Variants in SPATA16 observed in about 807,000 individuals in gnomAD.
SPATA16 encodes spermatogenesis-associated protein 16.
A neutral mutation model predicts 63.3 loss-of-function variants in SPATA16; 36 were observed. The ratio of observed to expected loss-of-function variants is 0.57; its 90% CI spans 0.44 to 0.75. SPATA16 has a LOEUF of 0.75. SPATA16 is among the 30% of genes least tolerant of loss of function. The probability of loss-of-function intolerance (pLI) is 0.00; values close to 1 mark genes in which losing one functional copy is unlikely to be tolerated. For synonymous variants in SPATA16, 203 were observed against 216.7 expected, an observed-to-expected ratio of 0.94 and a Z score of 0.56; for missense variants, 646 against 679.3, an observed-to-expected ratio of 0.95 and a Z score of 0.54.
intron 2 of SPATA16, among the ~76,000 whole-genome samples, chr3:173,116,724 C>T (rs1007319580): frequency 3.9e-5 from 6 of 152,142 alleles, no homozygotes; most frequent in Admixed American, 3.3e-4. Flanking sequence ...CAAAAGTGGA[C>T]AATTCATATA....
At chr3:173,139,313 G>C (rs537847078) in intron 1 of SPATA16, among the ~76,000 whole-genome samples, 52 of 152,248 alleles carry the variant, frequency 3.4e-4, no homozygotes, top group African/African-American at 1.1e-3. Context: ...AATTTAGCTA[G>C]AGCTATGATA....
At chr3:173,094,834 G>A (rs1366682778) in intron 2 of SPATA16, among the ~76,000 whole-genome samples, 2 of 152,134 alleles carry the variant, frequency 1.3e-5, no homozygotes, top group Non-Finnish European at 2.9e-5. Context: ...CCTCGGAGCA[G>A]CTCCGTTTTA....
Position 172,969,771 on chromosome 3 carries a change from T to C in SPATA16, c.933+7197A>G, listed in dbSNP as rs192052061. On this transcript the variant is annotated intron_variant, in intron 5 of 10. Transcript: ENST00000351008. ...TGGCTTTGTAGTGGGCAGAAGAATC[T>C]ACCCTTTGCTCTTGGGCTTGATCGT... is the stretch of plus-strand genomic sequence containing the variant. Among the ~76,000 whole-genome samples the C allele has an allele frequency of 1.3e-5, 2 of 152,306 alleles. 1 individual carries two copies. The highest frequency in any genetic ancestry group is 1.3e-4 in the Admixed American group (2 of 15,292).
chr3:172,951,599 CTG>C (rs1342405223), intron 6 of SPATA16, among the ~76,000 whole-genome samples: 1 of 152,098 alleles, frequency 6.6e-6, no homozygotes, highest in East Asian at 1.9e-4. Flanking sequence ...ACAAGGGTGA[CTG>C]TGAATTGGGG....
intron 2 of SPATA16, among the ~76,000 whole-genome samples, chr3:173,088,715 T>C (rs1464366298): frequency 1.3e-5 from 2 of 152,212 alleles, no homozygotes; most frequent in Admixed American, 1.3e-4. Context: ...ACTTCTAGCC[T>C]GGAGAAAACT....
At chr3:173,111,850 C>T (rs1383344233) in intron 2 of SPATA16, among the ~76,000 whole-genome samples, 1 of 152,128 alleles carries the variant, frequency 6.6e-6, no homozygotes, top group East Asian at 1.9e-4. Context: ...AGAATGTGTT[C>T]TAGAAGAGTG....
intron 5 of SPATA16, among the ~76,000 whole-genome samples, chr3:172,972,506 A>T (rs1041602042): frequency 2.0e-5 from 3 of 152,192 alleles, no homozygotes; most frequent in Middle Eastern, 3.2e-3. Flanking sequence ...AGTTTGGTTA[A>T]TTCTTTACAA....
At chr3:173,075,610 G>T (rs1195794832) in intron 2 of SPATA16, among the ~76,000 whole-genome samples, 1 of 152,150 alleles carries the variant, frequency 6.6e-6, no homozygotes, top group African/African-American at 2.4e-5. Context: ...ATGAAATCCT[G>T]TCACTTGCAG....
intron 5 of SPATA16, among the ~76,000 whole-genome samples, chr3:172,966,963 C>G (rs1213984841): frequency 6.6e-6 from 1 of 152,150 alleles, no homozygotes; most frequent in Non-Finnish European, 1.5e-5. Flanking sequence ...ATAAAACCCT[C>G]TAAATTTGGT....
intron 10 of SPATA16, among the ~76,000 whole-genome samples, chr3:172,903,304 G>GA (rs1732163175): frequency 6.6e-6 from 1 of 152,204 alleles, no homozygotes; most frequent in Non-Finnish European, 1.5e-5. Flanking sequence ...CTGAAATTTG[G>GA]AAAGATGCAT....
chr3:173,127,944 G>C (rs2108345398), intron 1 of SPATA16, among the ~76,000 whole-genome samples: 1 of 152,244 alleles, frequency 6.6e-6, no homozygotes, highest in African/African-American at 2.4e-5. Context: ...TTGCAAAATG[G>C]TGATTTTTCC....
chr3:173,105,242 A>G (rs1038876838), intron 2 of SPATA16, among the ~76,000 whole-genome samples: 27 of 152,212 alleles, frequency 1.8e-4, no homozygotes, highest in African/African-American at 6.5e-4. Context: ...ACATAGTCCA[A>G]CTTTTCAGGT....
intron 3 of SPATA16, among the ~76,000 whole-genome samples, chr3:173,021,988 T>G (rs1460557466): frequency 1.3e-5 from 2 of 151,712 alleles, no homozygotes; most frequent in Admixed American, 6.6e-5. Context: ...AAAAGTAGAT[T>G]AGATTGGAGA....
At chr3:173,012,662 A>C (rs1395790577) in intron 4 of SPATA16, among the ~76,000 whole-genome samples, 3 of 152,198 alleles carry the variant, frequency 2.0e-5, no homozygotes, top group Non-Finnish European at 2.9e-5. Context: ...AAGTTAACAA[A>C]AATAAGGAAT....
chr3:173,021,726 A>T (rs527806596), intron 3 of SPATA16, among the ~76,000 whole-genome samples: 13 of 92,268 alleles, frequency 1.4e-4, no homozygotes, highest in African/African-American at 5.0e-4. Flanking sequence ...ATTACTTTTT[A>T]TTTATTTATT....
chr3:173,112,660 C>A (rs1044530679), intron 2 of SPATA16, among the ~76,000 whole-genome samples: 1 of 152,122 alleles, frequency 6.6e-6, no homozygotes, highest in Non-Finnish European at 1.5e-5. Flanking sequence ...CTGGCACATA[C>A]AAAGAGCTCC....
At chr3:173,043,346 C>T (rs1182861764) in intron 3 of SPATA16, among the ~76,000 whole-genome samples, 2 of 151,726 alleles carry the variant, frequency 1.3e-5, no homozygotes, top group African/African-American at 4.8e-5. Flanking sequence ...TCATTTGCAT[C>T]TTTATCATAG....
chr3:173,039,774 G>A (rs1735795499), intron 3 of SPATA16, among the ~76,000 whole-genome samples: 1 of 152,068 alleles, frequency 6.6e-6, no homozygotes, highest in Admixed American at 6.6e-5. Flanking sequence ...AGAGCTGTGG[G>A]AGGCATGGCA....
At chr3:173,113,631 T>A (rs1453758494) in intron 2 of SPATA16, among the ~76,000 whole-genome samples, 2 of 152,192 alleles carry the variant, frequency 1.3e-5, no homozygotes, top group African/African-American at 4.8e-5. Flanking sequence ...ACCTATCTAG[T>A]GACTATGTTA....
Sources: allele counts gnomAD v4.1 joint callset (sites outside exome capture counted in the v4.1 genomes callset), GRCh38; gene constraint gnomAD v4.1.1; transcripts MANE v1.5; gene names NCBI Gene and HGNC (gene_info 2026-07-23, HGNC 2026-07-21).